Variants in AGPAT3 observed in about 807,000 individuals in gnomAD.
AGPAT3 encodes the protein 1-acyl-sn-glycerol-3-phosphate acyltransferase gamma.
AGPAT3 carries 5 observed loss-of-function variants against 47.3 expected under a neutral mutation model. That is an observed-to-expected ratio of 0.11 (90% CI 0.06 to 0.22). The LOEUF is 0.22. AGPAT3 is among the 10% of genes least tolerant of loss of function. The pLI, the probability that AGPAT3 is intolerant of heterozygous loss-of-function variation, is 1.00. For missense variants in AGPAT3, 315 were observed against 493.0 expected (o/e 0.64, Z 3.42); for synonymous variants, 212 against 208.3 (o/e 1.02, Z -0.15).
At position 43,874,095 on chromosome 21, in the gene AGPAT3, G is replaced by A. The variant is rs546641308; in HGVS notation, c.-112+8750G>A. On this transcript the variant is annotated intron_variant, in intron 1 of 9. Coordinates refer to ENST00000291572, the MANE Select transcript of AGPAT3 (RefSeq NM_020132.5). ...CTGTCACGCAGGCTGGCGTGATCTC[G>A]GCTCACTGCAACCTCCGCCTCCCGG... Among the ~76,000 whole-genome samples the A allele has an allele frequency of 3.3e-5, 5 of 152,216 alleles. No homozygotes were observed. The South Asian group carries it at 6.2e-4, about 19-fold the overall frequency.
At position 43,886,249 on chromosome 21, in the gene AGPAT3, T is replaced by C. The variant is rs117379341; in HGVS notation, c.-111-17708T>C. 3.4e-4 allele frequency among the ~76,000 whole-genome samples: 51 copies of C among 152,220 alleles called. No individual in the cohort carries two copies. The East Asian group carries it at 9.8e-3, about 29-fold the overall frequency. ...TATTAGGTCTTTATACTAGATCTTT[T>C]TTTATTAAAAAAATTTTTTTTAAAG... On this transcript the variant is annotated intron_variant, in intron 1 of 9. Coordinates refer to ENST00000291572, the MANE Select transcript of AGPAT3 (RefSeq NM_020132.5).
intron 2 of AGPAT3, among the ~76,000 whole-genome samples, chr21:43,943,744 G>A (rs2087755112): frequency 1.3e-5 from 2 of 152,210 alleles, no homozygotes; most frequent in Non-Finnish European, 1.5e-5. Context: ...AGTCGGGGTG[G>A]GGCGGGCCGC....
intron 2 of AGPAT3, among the ~76,000 whole-genome samples, chr21:43,912,092 A>T (rs1001773518): frequency 6.6e-6 from 1 of 152,236 alleles, no homozygotes; most frequent in Non-Finnish European, 1.5e-5. Context: ...TCGTCCTCAC[A>T]GGCTCAGCTT....
At chr21:43,959,435 G>A (rs1363346502) in intron 2 of AGPAT3, among the ~76,000 whole-genome samples, 199 bp from the exon 3 acceptor site, 3 of 149,922 alleles carry the variant, frequency 2.0e-5, no homozygotes, top group African/African-American at 7.4e-5. Flanking sequence ...TGTGGCGTGT[G>A]TGTGGTTTGC....
At chr21:43,958,258 T>G (rs1171972140) in intron 2 of AGPAT3, among the ~76,000 whole-genome samples, 2 of 151,890 alleles carry the variant, frequency 1.3e-5, no homozygotes, top group Non-Finnish European at 2.9e-5. Flanking sequence ...GTGTGGCATG[T>G]TTATGTGTAT....
chr21:43,878,570 G>A (rs2085783233), intron 1 of AGPAT3, among the ~76,000 whole-genome samples: 1 of 152,268 alleles, frequency 6.6e-6, no homozygotes, highest in Non-Finnish European at 1.5e-5. Flanking sequence ...TGAAGGTAAA[G>A]TCTACAGGTG....
At chr21:43,975,763 A>T (rs1026740035) in intron 7 of AGPAT3, among the ~76,000 whole-genome samples, 8 of 152,206 alleles carry the variant, frequency 5.3e-5, no homozygotes, top group African/African-American at 2.4e-5. Flanking sequence ...TTTTTGGCTT[A>T]CAACGCAGCG....
At position 43,974,275 on chromosome 21, in the gene AGPAT3, G is replaced by A. The variant is rs186688877; in HGVS notation, c.767+2785G>A. On this transcript the variant is annotated intron_variant, in intron 7 of 9. Transcript: ENST00000291572. ...TAAATTATATGTGTGTGGTATGTGT[G>A]TAAAAATTTGTATAAATTATATATT... is the stretch of plus-strand genomic sequence containing the variant. Among the ~76,000 whole-genome samples the A allele has an allele frequency of 4.2e-4, 64 of 152,162 alleles. 2 individuals are homozygous for A. Among genetic ancestry groups the A allele is most frequent in the Admixed American group, 1.6e-3 (24 of 15,272 alleles).
chr21:43,865,555 C>T (rs2085485577), intron 1 of AGPAT3, among the ~76,000 whole-genome samples: 1 of 149,102 alleles, frequency 6.7e-6, no homozygotes, highest in Admixed American at 6.7e-5. Context: ...AGGTCTGGGC[C>T]CGGGTCCTGT....
intron 2 of AGPAT3, among the ~76,000 whole-genome samples, chr21:43,941,082 C>T (rs2087637570): frequency 6.6e-6 from 1 of 152,190 alleles, no homozygotes; most frequent in South Asian, 2.1e-4. Flanking sequence ...GATGATGGTA[C>T]CAGGTGGTGC....
Position 43,920,113 on chromosome 21 carries a change from A to T in AGPAT3, c.-49+16094A>T, listed in dbSNP as rs373239938. Among the ~76,000 whole-genome samples, 275 of 152,214 alleles carry T rather than the reference A, an allele frequency of 1.8e-3. No individual in the cohort carries two copies. The highest frequency in any genetic ancestry group is 6.3e-3 in the African/African-American group (262 of 41,528). ...GGAGTGCACTGCAGGCGGGGGTGTG[A>T]CCACGTCCGCACCCCTCCCAGAGTG... is the stretch of plus-strand genomic sequence containing the variant. On this transcript the variant is annotated intron_variant, in intron 2 of 9. Transcript: ENST00000291572. This position sits in a 1 kb window ranked among gnomAD's most constrained non-coding sequence, Gnocchi z 6.1.
chr21:43,868,759 C>T (rs1336628988), intron 1 of AGPAT3, among the ~76,000 whole-genome samples: 1 of 152,152 alleles, frequency 6.6e-6, no homozygotes, highest in East Asian at 1.9e-4. Flanking sequence ...AAATCTGTCA[C>T]CTGCTTTATG....
Position 43,982,171 on chromosome 21 carries a change from ACAG to A in AGPAT3, c.1043-129_1043-127del. On this transcript the variant is annotated intron_variant, in intron 9 of 9. Transcript: ENST00000291572. This position sits in a 1 kb window ranked among gnomAD's most constrained non-coding sequence, Gnocchi z 6.2. ...CCCCGCGGGCCACACCTACTCACTG[ACAG>A]CAGAGGCCACTGGGTGCGGGGCAGA... The A allele has an allele frequency of 1.5e-6, 1 of 675,842 alleles. No individual in the cohort carries two copies. The highest frequency in any genetic ancestry group is 2.6e-6 in the Non-Finnish European group (1 of 388,614). 41.9% of individuals were successfully genotyped at this position (675,842 alleles called of 1,614,324 possible).
At chr21:43,959,005 C>T (rs2088658151) in intron 2 of AGPAT3, among the ~76,000 whole-genome samples, 1 of 89,344 alleles carries the variant, frequency 1.1e-5, no homozygotes, top group South Asian at 4.1e-4. Context: ...GTGTGTGTAG[C>T]ATGTGTGTGG....
At position 43,928,840 on chromosome 21, in the gene AGPAT3, A is replaced by C. The variant is rs3788081; in HGVS notation, c.-49+24821A>C. Among the ~76,000 whole-genome samples, 64 of 152,272 alleles carry C rather than the reference A, an allele frequency of 4.2e-4. No individual in the cohort carries two copies. The East Asian group carries it at 0.011, about 27-fold the overall frequency. On this transcript the variant is annotated intron_variant, in intron 2 of 9. Coordinates refer to ENST00000291572, the MANE Select transcript of AGPAT3 (RefSeq NM_020132.5). ...GAGGCGCTGTCTAATTTTGTTTCACAATGAGCTGAAATTTATCCCCACACC... is the reference window on the plus strand; with the variant it reads ...GAGGCGCTGTCTAATTTTGTTTCACCATGAGCTGAAATTTATCCCCACACC...
intron 4 of AGPAT3, 111 bp downstream of exon 4, chr21:43,968,226 TG>T: frequency 3.3e-6 from 1 of 302,690 alleles, no homozygotes; most frequent in Non-Finnish European, 4.3e-6. Context: ...CCTGCAGGGC[TG>T]GGGGTGGGGT....
At chr21:43,894,685 CA>C (rs1234440832) in intron 1 of AGPAT3, among the ~76,000 whole-genome samples, 5 of 152,178 alleles carry the variant, frequency 3.3e-5, no homozygotes, top group African/African-American at 1.2e-4. Flanking sequence ...CTTCTTTTAT[CA>C]AGTGTTTATC....
chr21:43,956,648 T>A (rs1213831053), intron 2 of AGPAT3, among the ~76,000 whole-genome samples: 3 of 152,108 alleles, frequency 2.0e-5, no homozygotes, highest in Admixed American at 6.5e-5. Context: ...GTGTGTGGAG[T>A]CAGCAATTCA....
chr21:43,946,398 G>A (rs1388475212), intron 2 of AGPAT3, among the ~76,000 whole-genome samples: 1 of 152,076 alleles, frequency 6.6e-6, no homozygotes, highest in African/African-American at 2.4e-5. Context: ...TCAAGAGTTC[G>A]AGATCAGCCT....
Sources: allele counts gnomAD v4.1 joint callset (sites outside exome capture counted in the v4.1 genomes callset), GRCh38; gene constraint gnomAD v4.1.1; non-coding constraint Gnocchi (gnomAD v3.1); transcripts MANE v1.5; gene names NCBI Gene and HGNC (gene_info 2026-07-23, HGNC 2026-07-21).